ANK3: variants seen among roughly 807,000 people sequenced by gnomAD.
ANK3 encodes ankyrin 3.
A neutral mutation model predicts 370.9 loss-of-function variants in ANK3; 57 were observed. The ratio of observed to expected loss-of-function variants is 0.15; its 90% CI spans 0.12 to 0.19. The LOEUF (loss-of-function observed/expected upper bound fraction) is 0.19. Ranked by LOEUF, ANK3 falls within the 10% of genes least tolerant of loss-of-function variation. The pLI is 1.00. For missense variants in ANK3, 4,439 were observed against 5,302.1 expected, an observed-to-expected ratio of 0.84 and a Z score of 5.06; for synonymous variants, 1,929 against 1,946.3, an observed-to-expected ratio of 0.99 and a Z score of 0.23.
At chr10:60,342,415 A>C (rs2132986357) in intron 1 of ANK3, among the ~76,000 whole-genome samples, 1 of 152,288 alleles carries the variant, frequency 6.6e-6, no homozygotes, top group Admixed American at 6.5e-5. Context: ...AGGCTGGTTA[A>C]GGTTACTACT....
rs931046027 is a variant in ANK3 at position 60,131,023 on chromosome 10, T to C, written c.2841+3248A>G. ...GCTTTAACTTTATCCACATGCATTT[T>C]GGCTGAACTATTTGGAAATAAATAG... On this transcript the variant is annotated intron_variant, in intron 25 of 43. Transcript: ENST00000280772. Among the ~76,000 whole-genome samples the C allele has an allele frequency of 3.3e-5, 5 of 152,242 alleles. 1 individual carries two copies. The highest frequency in any genetic ancestry group is 2.6e-4 in the Admixed American group (4 of 15,280).
In ANK3 at chr10:60,710,792, G is replaced by A. The variant is rs1048160741; in HGVS notation, c.57+22471C>T. ...AGAAAAAATGGTGGTGTAGTTCAAAGGCCAGAGAGCCACTGGTGCAGATTC... is the reference window on the plus strand; with the variant it reads ...AGAAAAAATGGTGGTGTAGTTCAAAAGCCAGAGAGCCACTGGTGCAGATTC... On this transcript the variant is annotated intron_variant, in intron 1 of 43. Transcript: ENST00000373827. Among the ~76,000 whole-genome samples, 3 of 152,300 alleles carry A rather than the reference G, an allele frequency of 2.0e-5. No individual in the cohort carries two copies. In the East Asian group the frequency reaches 5.8e-4, roughly 29 times the overall value.
chr10:60,397,386 A>C (rs1275987794), intron 2 of ANK3, among the ~76,000 whole-genome samples: 1 of 152,178 alleles, frequency 6.6e-6, no homozygotes, highest in Non-Finnish European at 1.5e-5. Context: ...CCTGCCATGG[A>C]AAGGGCTACA....
rs868388620 is a variant in ANK3, at chr10:60,097,313, C to T, written c.3328+8592G>A. Among the ~76,000 whole-genome samples, 48 of 152,286 alleles carry T rather than the reference C, an allele frequency of 3.2e-4. No homozygotes were observed. In the Middle Eastern group the frequency reaches 0.02, roughly 65 times the overall value. Reference sequence around the variant, plus strand: ...CAGTGTCTTTGCAGACTACCTCACACGAGTGGTGGTTGATAAACGGATGAG... The same window carrying T: ...CAGTGTCTTTGCAGACTACCTCACATGAGTGGTGGTTGATAAACGGATGAG... On this transcript the variant is annotated intron_variant, in intron 28 of 43. Transcript: ENST00000280772.
At chr10:60,290,344 T>C (rs945062071) in intron 1 of ANK3, among the ~76,000 whole-genome samples, 1 of 152,114 alleles carries the variant, frequency 6.6e-6, no homozygotes, top group African/African-American at 2.4e-5. Context: ...TGGTAAGAGC[T>C]TGAAAAAACT....
chr10:60,059,512 AC>A, intron 40 of ANK3, 82 bp from the exon 41 acceptor site: 1 of 1,305,572 alleles, frequency 7.7e-7, no homozygotes, highest in South Asian at 1.2e-5. Context: ...ATCTCCTCAG[AC>A]TCTACTCCTT....
intron 1 of ANK3, among the ~76,000 whole-genome samples, chr10:60,639,524 A>G (rs1223846298): frequency 6.6e-6 from 1 of 151,694 alleles, no homozygotes; most frequent in Non-Finnish European, 1.5e-5. Flanking sequence ...ATTACATATT[A>G]TGGTGTTTAT....
chr10:60,350,307 G>T (rs1018377104), intron 1 of ANK3, among the ~76,000 whole-genome samples: 1 of 152,130 alleles, frequency 6.6e-6, no homozygotes, highest in East Asian at 1.9e-4. Flanking sequence ...GCAGTGGAGG[G>T]GATATGGGGG....
intron 1 of ANK3, among the ~76,000 whole-genome samples, chr10:60,692,923 A>T (rs1012890331): frequency 2.0e-5 from 3 of 152,228 alleles, no homozygotes; most frequent in Admixed American, 2.0e-4. Context: ...ATTACCACTT[A>T]TTAGGCATGT....
At position 60,072,503 on chromosome 10, in the gene ANK3, T is replaced by C. The variant is rs186832733; in HGVS notation, c.8378A>G (p.His2793Arg). Residue 2793 changes from histidine to arginine, a missense_variant, in exon 37 of 44, where the codon CAT becomes CGT. Physicochemically the swap from His to Arg is conservative, Grantham distance 29. Around this residue, in one of 13 missense-constraint regions of ANK3, gnomAD observed 1,601 missense variants for 1,731.7 expected, o/e 0.92. Transcript: ENST00000280772. ...DFMVLKTKDEHAQSNEIVVND... is the reference protein window; with the variant it reads ...DFMVLKTKDERAQSNEIVVND... ...TACAACAATTTCGTTGCTTTGGGCA[T>C]GCTCATCTTTGGTTTTTAATACCAT... is the stretch of plus-strand genomic sequence containing the variant. The C allele has an allele frequency of 1.2e-6, 2 of 1,614,044 alleles. No individual in the cohort carries two copies. Among genetic ancestry groups the C allele is most frequent in the East Asian group, 2.2e-5 (1 of 44,888 alleles).
intron 2 of ANK3, among the ~76,000 whole-genome samples, chr10:60,474,790 T>A (rs2075015195): frequency 6.6e-6 from 1 of 152,188 alleles, no homozygotes; most frequent in African/African-American, 2.4e-5. Context: ...AGCACACATC[T>A]CTGTGTGTGT....
rs191449547 is a variant in ANK3 at position 60,280,339 on chromosome 10, A to C, written c.115-700T>G. Among the ~76,000 whole-genome samples, 186 of 152,300 alleles carry C rather than the reference A, an allele frequency of 1.2e-3. 2 individuals are homozygous for C. The highest frequency in any genetic ancestry group is 4.3e-3 in the African/African-American group (180 of 41,570). On this transcript the variant is annotated intron_variant, in intron 1 of 43. Transcript: ENST00000280772. ...CTCCCAAAGTGTTGGGATTATAGGC[A>C]TGATCCCAACTTAACCCATTATATG... is the stretch of plus-strand genomic sequence containing the variant.
chr10:60,244,552 A>C (rs989306825), intron 7 of ANK3, among the ~76,000 whole-genome samples: 36 of 152,238 alleles, frequency 2.4e-4, no homozygotes, highest in African/African-American at 7.5e-4. Flanking sequence ...TCGAAGTGGC[A>C]TAACAAATTG....
chr10:60,726,212 A>G (rs1380528911), intron 1 of ANK3, among the ~76,000 whole-genome samples: 1 of 152,042 alleles, frequency 6.6e-6, no homozygotes. Flanking sequence ...AATCCTTCAT[A>G]TAAAAAAAAA....
chr10:60,508,346 G>A lies in ANK3; in HGVS notation c.96+106840C>T, dbSNP rs371949891. On this transcript the variant is annotated intron_variant, in intron 2 of 43. Transcript: ENST00000373827. The stretch of plus-strand genomic sequence containing the variant: ...GTGAATCTCATTTTTCATTATTTCC[G>A]CTTTGCAGGGTAGAGATGCTTACTA... The A allele has an allele frequency of 5.2e-5, 8 of 152,672 alleles. No homozygotes were observed. The South Asian group carries it at 6.2e-4, about 12-fold the overall frequency. 9.5% of individuals were successfully genotyped at this position (152,672 alleles called of 1,614,324 possible).
At chr10:60,496,341 AG>A (rs1236469425) in intron 2 of ANK3, among the ~76,000 whole-genome samples, 1 of 152,194 alleles carries the variant, frequency 6.6e-6, no homozygotes, top group Non-Finnish European at 1.5e-5. Flanking sequence ...CAGACTCTGT[AG>A]TACTCATGAT....
chr10:60,623,848 G>A (rs2078372233), intron 1 of ANK3, among the ~76,000 whole-genome samples: 1 of 152,172 alleles, frequency 6.6e-6, no homozygotes, highest in Non-Finnish European at 1.5e-5. Context: ...ACCTCTCAGA[G>A]TCTATGCAAA....
chr10:60,343,842 G>C (rs1437140032), intron 1 of ANK3, among the ~76,000 whole-genome samples: 1 of 152,220 alleles, frequency 6.6e-6, no homozygotes, highest in African/African-American at 2.4e-5. Context: ...ACCCACCCGA[G>C]CATTCCTGGT....
intron 1 of ANK3, among the ~76,000 whole-genome samples, chr10:60,646,487 G>T (rs1270739303): frequency 6.6e-6 from 1 of 152,110 alleles, no homozygotes; most frequent in African/African-American, 2.4e-5. Flanking sequence ...GAGGCAGGAG[G>T]ACAGCTTGAG....
Sources: gnomAD v4.1 joint callset for allele counts (sites outside exome capture counted in the v4.1 genomes callset) on GRCh38, gnomAD v4.1.1 for gene constraint, gnomAD v4.1.1 regional missense constraint, MANE v1.5 for transcripts, NCBI Gene and HGNC (gene_info 2026-07-23, HGNC 2026-07-21) for gene names.